IL1RAPL2: variants seen among roughly 807,000 people sequenced by gnomAD.
IL1RAPL2 encodes X-linked interleukin-1 receptor accessory protein-like 2.
A neutral mutation model predicts 44.1 loss-of-function variants in IL1RAPL2; 3 were observed. The ratio of observed to expected loss-of-function variants is 0.07; its 90% CI spans 0.03 to 0.18. The LOEUF (loss-of-function observed/expected upper bound fraction) is 0.18. IL1RAPL2 is among the 10% of genes least tolerant of loss of function. The probability of loss-of-function intolerance (pLI) is 1.00; values close to 1 mark genes in which losing one functional copy is unlikely to be tolerated. For missense variants in IL1RAPL2, 391 were observed against 496.4 expected (o/e 0.79, Z 2.02); for synonymous variants, 181 against 178.8 (o/e 1.01, Z -0.10).
At chrX:105,107,804 G>A (rs1216179749) in intron 2 of IL1RAPL2, among the ~76,000 whole-genome samples, 1 of 111,718 alleles carries the variant, frequency 9.0e-6, no homozygotes, top group Non-Finnish European at 1.9e-5. Flanking sequence ...CTTTTGCTAA[G>A]TTCACCAATG....
At position 104,735,009 on chromosome X, in the gene IL1RAPL2, C is replaced by A. The variant is rs761545332; in HGVS notation, c.82+76014C>A. On this transcript the variant is annotated intron_variant, in intron 2 of 10. Coordinates refer to ENST00000372582, the MANE Select transcript of IL1RAPL2 (RefSeq NM_017416.2). The stretch of plus-strand genomic sequence containing the variant: ...TGTATTCTTACTGTAAATATGAAAC[C>A]ATTCATTTTAATTTTAAAGTATACA... 3.7e-4 allele frequency among the ~76,000 whole-genome samples: 41 copies of A among 110,806 alleles called. 1 individual carries two copies. Among genetic ancestry groups the A allele is most frequent in the Non-Finnish European group, 6.1e-4 (32 of 52,809 alleles).
At chrX:105,341,506 T>C (rs1374751196) in intron 5 of IL1RAPL2, among the ~76,000 whole-genome samples, 1 of 111,992 alleles carries the variant, frequency 8.9e-6, no homozygotes, top group East Asian at 2.8e-4. Context: ...GAATTAACTC[T>C]TAACTGGCAT....
intron 2 of IL1RAPL2, among the ~76,000 whole-genome samples, chrX:105,105,967 A>G (rs979860973): frequency 2.7e-5 from 3 of 111,419 alleles, no homozygotes; most frequent in Non-Finnish European, 5.6e-5. Flanking sequence ...AAGTAGCCCA[A>G]AAGACTGAAA....
intron 5 of IL1RAPL2, among the ~76,000 whole-genome samples, chrX:105,382,392 G>T (rs2035439529): frequency 9.1e-6 from 1 of 109,643 alleles, no homozygotes; most frequent in Non-Finnish European, 1.9e-5. Flanking sequence ...CTGGCCATCA[G>T]AGAAATGCAA....
chrX:105,418,033 T>A (rs1230445666), intron 5 of IL1RAPL2, among the ~76,000 whole-genome samples: 1 of 111,845 alleles, frequency 8.9e-6, no homozygotes, highest in Non-Finnish European at 1.9e-5. Context: ...CTCTCTCCTC[T>A]GCCCACTTAC....
chrX:105,680,498 A>C (rs1475568165), intron 6 of IL1RAPL2, among the ~76,000 whole-genome samples: 2 of 112,210 alleles, frequency 1.8e-5, no homozygotes, highest in Non-Finnish European at 3.8e-5. Flanking sequence ...CTAATTGAAT[A>C]AGCATAATTT....
At chrX:105,318,118 G>A (rs953764974) in intron 5 of IL1RAPL2, among the ~76,000 whole-genome samples, 3 of 109,859 alleles carry the variant, frequency 2.7e-5, no homozygotes, top group African/African-American at 9.9e-5. Context: ...GACTACAGGC[G>A]CCCGCCACCA....
chrX:105,419,517 A>G (rs953690054), intron 5 of IL1RAPL2, among the ~76,000 whole-genome samples: 3 of 111,846 alleles, frequency 2.7e-5, no homozygotes, highest in African/African-American at 9.7e-5. Flanking sequence ...GAGAATGGGG[A>G]TGTTGTTTGT....
At chrX:104,615,110 T>A (rs1304932681) in intron 1 of IL1RAPL2, among the ~76,000 whole-genome samples, 1 of 111,968 alleles carries the variant, frequency 8.9e-6, no homozygotes, top group Non-Finnish European at 1.9e-5. Flanking sequence ...GTCTTTGTCG[T>A]AGTAGGTATC....
chrX:105,597,484 C>G (rs1296900237), intron 6 of IL1RAPL2, among the ~76,000 whole-genome samples: 1 of 110,941 alleles, frequency 9.0e-6, no homozygotes, highest in African/African-American at 3.3e-5. Flanking sequence ...CCTCAGGAAA[C>G]TTACAATCAT....
At position 105,134,830 on chromosome X, in the gene IL1RAPL2, C is replaced by CT. The variant is rs761018462; in HGVS notation, c.83-60640dup. 5.4e-5 allele frequency among the ~76,000 whole-genome samples: 6 copies of CT among 110,835 alleles called. No homozygotes were observed. In the South Asian group the frequency reaches 2.3e-3, roughly 43 times the overall value. Reference sequence around the variant, plus strand: ...CCTAATCTCAGAGTCTGATCTCTACCTTTTTCTTTTCTTGTAAGATCCTTC... The same window carrying CT: ...CCTAATCTCAGAGTCTGATCTCTACCTTTTTTCTTTTCTTGTAAGATCCTTC... On this transcript the variant is annotated intron_variant, in intron 2 of 10. Transcript: ENST00000372582.
chrX:104,946,379 CAAAAAAAAAAAA>C lies in IL1RAPL2; in HGVS notation c.83-249077_83-249066del, dbSNP rs1157603029. On this transcript the variant is annotated intron_variant, in intron 2 of 10. Transcript: ENST00000372582. The stretch of plus-strand genomic sequence containing the variant: ...TGGGCGACAGAGCAAGACTCCGTCT[CAAAAAAAAAAAA>C]AAAAAAAAAAAAAAAAAACTTTTTA... Among the ~76,000 whole-genome samples, 38 of 9,138 alleles carry C rather than the reference CAAAAAAAAAAAA, an allele frequency of 4.2e-3. 1 individual carries two copies. Among genetic ancestry groups the C allele is most frequent in the African/African-American group, 0.013 (22 of 1,743 alleles). The allele number at this position is 9,138 out of a possible 115,157, so 7.9% of individuals were successfully genotyped here.
At chrX:104,957,985 A>G (rs1243061274) in intron 2 of IL1RAPL2, among the ~76,000 whole-genome samples, 1 of 111,594 alleles carries the variant, frequency 9.0e-6, no homozygotes, top group East Asian at 2.8e-4. Context: ...TCATCTACTC[A>G]GGAGGCTGAG....
At chrX:104,667,386 C>A (rs902180318) in intron 2 of IL1RAPL2, among the ~76,000 whole-genome samples, 1 of 111,061 alleles carries the variant, frequency 9.0e-6, no homozygotes, top group African/African-American at 3.3e-5. Context: ...TGCTTTTAGC[C>A]CCCCAAGAAA....
At chrX:104,929,100 C>A (rs1602828456) in intron 2 of IL1RAPL2, among the ~76,000 whole-genome samples, 2 of 111,237 alleles carry the variant, frequency 1.8e-5, no homozygotes, top group Non-Finnish European at 3.8e-5. Flanking sequence ...GTTATACTTT[C>A]CAAAATTAAT....
At chrX:104,932,281 G>A (rs914668371) in intron 2 of IL1RAPL2, among the ~76,000 whole-genome samples, 3 of 110,198 alleles carry the variant, frequency 2.7e-5, no homozygotes, top group Non-Finnish European at 3.8e-5. Flanking sequence ...TTACAGGCGT[G>A]AGCCACCGCG....
At chrX:104,719,406 T>C (rs1931636686) in intron 2 of IL1RAPL2, among the ~76,000 whole-genome samples, 2 of 112,071 alleles carry the variant, frequency 1.8e-5, no homozygotes, top group African/African-American at 6.5e-5. Context: ...GTCCCCTGGC[T>C]GGCCAACATT....
intron 2 of IL1RAPL2, among the ~76,000 whole-genome samples, chrX:104,680,861 A>G (rs1011385748): frequency 8.9e-6 from 1 of 112,188 alleles, no homozygotes; most frequent in Non-Finnish European, 1.9e-5. Context: ...CTTGGAATCC[A>G]TGCCCATTAT....
At chrX:105,680,912 A>G (rs2037919497) in intron 6 of IL1RAPL2, among the ~76,000 whole-genome samples, 1 of 111,867 alleles carries the variant, frequency 8.9e-6, no homozygotes, top group Admixed American at 9.5e-5. Context: ...GACCCCCAAA[A>G]CCTAGAGGAA....
Sources: gnomAD v4.1 joint callset for allele counts (sites outside exome capture counted in the v4.1 genomes callset) on GRCh38, gnomAD v4.1.1 for gene constraint, MANE v1.5 for transcripts, NCBI Gene and HGNC (gene_info 2026-07-23, HGNC 2026-07-21) for gene names.